The following GRID1 variants were observed in gnomAD, a reference collection of about 807,000 sequenced individuals.
GRID1 encodes the protein glutamate ionotropic receptor delta type subunit 1.
In GRID1, 28 loss-of-function variants were observed where a neutral mutation model predicts 98.0. That is an observed-to-expected ratio of 0.29 (90% CI 0.21 to 0.39). The LOEUF is 0.39. Ranked by LOEUF, GRID1 falls within the 10% of genes least tolerant of loss-of-function variation. GRID1 has a pLI of 1.00. For missense variants in GRID1, 1,111 were observed against 1,340.5 expected, an observed-to-expected ratio of 0.83 and a Z score of 2.67; for synonymous variants, 553 against 538.5, an observed-to-expected ratio of 1.03 and a Z score of -0.37.
At chr10:85,875,258 ATTT>A (rs1843317943) in intron 5 of GRID1, among the ~76,000 whole-genome samples, 1 of 152,040 alleles carries the variant, frequency 6.6e-6, no homozygotes, top group South Asian at 2.1e-4. Context: ...TAGATACCCT[ATTT>A]ATTTCTAGTA....
chr10:85,683,117 A>G (rs1841229556), intron 12 of GRID1, among the ~76,000 whole-genome samples: 1 of 152,208 alleles, frequency 6.6e-6, no homozygotes, highest in South Asian at 2.1e-4. Context: ...CAGAAATTAT[A>G]ACAGAGCTTC....
chr10:86,270,710 A>G (rs550058150), intron 2 of GRID1, among the ~76,000 whole-genome samples: 66 of 152,188 alleles, frequency 4.3e-4, no homozygotes, highest in Non-Finnish European at 6.6e-4. Context: ...AATAATAATA[A>G]AAACAATTTG....
At chr10:85,612,751 A>T (rs976945586) in intron 15 of GRID1, among the ~76,000 whole-genome samples, 2 of 152,002 alleles carry the variant, frequency 1.3e-5, no homozygotes, top group Non-Finnish European at 2.9e-5. Flanking sequence ...AAAAAAATTT[A>T]AAAAAGAGCT....
intron 4 of GRID1, among the ~76,000 whole-genome samples, chr10:85,975,910 T>C (rs567096524): frequency 6.6e-6 from 1 of 152,364 alleles, no homozygotes; most frequent in East Asian, 1.9e-4. Flanking sequence ...TGGTTTTTCC[T>C]TATTATTCTT....
At chr10:86,174,799 AAAAC>A (rs1845550482) in intron 3 of GRID1, among the ~76,000 whole-genome samples, 2 of 151,964 alleles carry the variant, frequency 1.3e-5, no homozygotes, top group African/African-American at 4.8e-5. Context: ...TTACAAGAAA[AAAAC>A]AAACAACCCC....
chr10:85,801,704 G>A lies in GRID1; in HGVS notation c.1233+52792C>T, dbSNP rs112586504. Among the ~76,000 whole-genome samples the A allele has an allele frequency of 7.3e-3, 1,110 of 151,580 alleles. 14 individuals are homozygous for A. Among genetic ancestry groups the A allele is most frequent in the African/African-American group, 0.025 (1,036 of 41,456 alleles). On this transcript the variant is annotated intron_variant, in intron 8 of 15. Transcript: ENST00000327946. The stretch of plus-strand genomic sequence containing the variant: ...CATTTAATAAACATAACCATAAGTG[G>A]GAAAATGTAAAGCAACTGCTTTAAA...
At chr10:86,045,912 G>T (rs1445057831) in intron 4 of GRID1, among the ~76,000 whole-genome samples, 2 of 152,068 alleles carry the variant, frequency 1.3e-5, no homozygotes, top group Admixed American at 1.3e-4. Flanking sequence ...CAAACTCTTG[G>T]GGAGATCTCT....
intron 4 of GRID1, among the ~76,000 whole-genome samples, chr10:86,098,211 C>T (rs1844248434): frequency 6.6e-6 from 1 of 152,210 alleles, no homozygotes. Context: ...TTAAATCACT[C>T]ATATTCATCC....
chr10:85,824,838 T>C (rs1354776543), intron 8 of GRID1, among the ~76,000 whole-genome samples: 2 of 152,236 alleles, frequency 1.3e-5, no homozygotes, highest in African/African-American at 4.8e-5. Flanking sequence ...CTTAGAATAA[T>C]GTCATCCAGA....
chr10:86,010,828 A>T (rs1842915915), intron 4 of GRID1, among the ~76,000 whole-genome samples: 1 of 151,818 alleles, frequency 6.6e-6, no homozygotes, highest in Non-Finnish European at 1.5e-5. Flanking sequence ...AAAAAAAAAA[A>T]AAGTAATGAG....
intron 4 of GRID1, among the ~76,000 whole-genome samples, chr10:85,958,031 C>T (rs1314582357): frequency 6.6e-6 from 1 of 152,170 alleles, no homozygotes; most frequent in African/African-American, 2.4e-5. Context: ...TACTCAGGGC[C>T]ATGATGGCAA....
chr10:86,040,493 T>C (rs1240357916), intron 4 of GRID1, among the ~76,000 whole-genome samples: 4 of 140,072 alleles, frequency 2.9e-5, no homozygotes, highest in African/African-American at 1.1e-4. Context: ...AAATACTACA[T>C]GATCTCACTC....
rs373144399 is a variant in GRID1 at position 85,881,322 on chromosome 10, C to T, written c.781-12142G>A. Among the ~76,000 whole-genome samples, 4 of 152,174 alleles carry T rather than the reference C, an allele frequency of 2.6e-5. No homozygotes were observed. The South Asian group carries it at 6.2e-4, about 24-fold the overall frequency. ...AAAGAGCCCACATCACCAAGTCAAGCCTAAGCCAAAAGAACAAAGCCAGAG... is the reference window on the plus strand; with the variant it reads ...AAAGAGCCCACATCACCAAGTCAAGTCTAAGCCAAAAGAACAAAGCCAGAG... On this transcript the variant is annotated intron_variant, in intron 5 of 15. Transcript: ENST00000327946.
intron 12 of GRID1, among the ~76,000 whole-genome samples, chr10:85,672,539 C>T (rs1189834663): frequency 1.3e-5 from 2 of 152,108 alleles, no homozygotes; most frequent in Non-Finnish European, 2.9e-5. Context: ...ATCTCTTGAC[C>T]TCATGATCTG....
chr10:86,100,834 T>C (rs753532833), intron 4 of GRID1, among the ~76,000 whole-genome samples: 1 of 152,162 alleles, frequency 6.6e-6, no homozygotes, highest in Non-Finnish European at 1.5e-5. Context: ...CTTCCAATCT[T>C]GGCCTTGCCG....
rs558984611 is a variant in GRID1 at position 86,239,136 on chromosome 10, C to T, written c.236-32488G>A. On this transcript the variant is annotated intron_variant, in intron 2 of 15. Transcript: ENST00000327946. The stretch of plus-strand genomic sequence containing the variant: ...AGGGACAGAGCCGCCCAAGGCCCTG[C>T]GAGCCCACCCTTTGTATTAGTGTTG... Among the ~76,000 whole-genome samples the T allele has an allele frequency of 7.7e-4, 117 of 152,354 alleles. 2 individuals are homozygous for T. The South Asian group carries it at 0.022, about 28-fold the overall frequency.
chr10:85,841,542 C>A (rs753135984), intron 8 of GRID1, among the ~76,000 whole-genome samples: 1 of 152,100 alleles, frequency 6.6e-6, no homozygotes, highest in African/African-American at 2.4e-5. Context: ...ATAGGGTAAA[C>A]TGACAACCTA....
In GRID1 at chr10:85,643,004, C is replaced by T. The variant is rs1168402481; in HGVS notation, c.2193+4198G>A. ...ACATAACCCTTCTCCAGTTCTGATA[C>T]CGTGGACAAGTGATCACTCTAAACA... On this transcript the variant is annotated intron_variant, in intron 13 of 15. Coordinates refer to ENST00000327946, the MANE Select transcript of GRID1 (RefSeq NM_017551.3). Among the ~76,000 whole-genome samples the T allele has an allele frequency of 2.6e-5, 4 of 152,084 alleles. No individual in the cohort carries two copies. In the South Asian group the frequency reaches 6.2e-4, roughly 24 times the overall value.
intron 8 of GRID1, among the ~76,000 whole-genome samples, chr10:85,732,645 G>A (rs1841838603): frequency 6.6e-6 from 1 of 152,114 alleles, no homozygotes; most frequent in Admixed American, 6.6e-5. Flanking sequence ...CTTTCTCATT[G>A]GTTTCGCTGC....
Sources: allele counts gnomAD v4.1 joint callset (sites outside exome capture counted in the v4.1 genomes callset), GRCh38; gene constraint gnomAD v4.1.1; transcripts MANE v1.5; gene names NCBI Gene and HGNC (gene_info 2026-07-23, HGNC 2026-07-21).